CPXM2: variants seen among roughly 807,000 people sequenced by gnomAD.
CPXM2 encodes the protein inactive carboxypeptidase-like protein X2.
CPXM2 carries 66 observed loss-of-function variants against 86.1 expected under a neutral mutation model. The observed-to-expected ratio is 0.77, with a 90% CI of 0.63 to 0.94. CPXM2 has a LOEUF of 0.94. Ranked by LOEUF, CPXM2 falls within the 40% of genes least tolerant of loss-of-function variation. The pLI is 0.00. For missense variants in CPXM2, 948 were observed against 1,026.3 expected, an observed-to-expected ratio of 0.92 and a Z score of 1.04; for synonymous variants, 388 against 400.2, an observed-to-expected ratio of 0.97 and a Z score of 0.36.
At chr10:123,800,370 C>G (rs371402178) in intron 4 of CPXM2, among the ~76,000 whole-genome samples, 26 of 152,286 alleles carry the variant, frequency 1.7e-4, no homozygotes, top group African/African-American at 5.5e-4. Context: ...CCACATTCCT[C>G]CTCTGAGAGT....
intron 4 of CPXM2, among the ~76,000 whole-genome samples, chr10:123,836,568 C>A (rs1359750751): frequency 6.6e-6 from 1 of 152,196 alleles, no homozygotes; most frequent in Non-Finnish European, 1.5e-5. Context: ...CTCCAACACC[C>A]ACAGAGCCCT....
chr10:123,799,241 A>C, intron 4 of CPXM2, 42 bp from the exon 5 acceptor site: 1 of 1,609,934 alleles, frequency 6.2e-7, no homozygotes, highest in South Asian at 1.1e-5. Flanking sequence ...ACACTTTAAA[A>C]TGTTTGTTCT....
chr10:123,828,910 G>C (rs1419939282), intron 4 of CPXM2, among the ~76,000 whole-genome samples: 1 of 152,180 alleles, frequency 6.6e-6, no homozygotes. Flanking sequence ...TTGATGTGAA[G>C]CCAACCTAAG....
chr10:123,841,541 C>T (rs551919077), intron 4 of CPXM2, among the ~76,000 whole-genome samples: 27 of 152,274 alleles, frequency 1.8e-4, no homozygotes, highest in African/African-American at 6.5e-4. Flanking sequence ...CCTGGCAACA[C>T]CATTCTAATT....
rs1945265886 is a variant in CPXM2, at chr10:123,891,341, C to T, written c.304+15G>A. On this transcript the variant is annotated intron_variant, in intron 1 of 13. Coordinates refer to ENST00000241305, the MANE Select transcript of CPXM2 (RefSeq NM_198148.3). The surrounding 1 kb of genome is among the most constrained non-coding windows in gnomAD (Gnocchi z 5.6). ...CGGCGCCCCCTCGGGCTGCCCAGCGCAGAAAGTTCCTTACCTGGTGGAGGC... is the reference window on the plus strand; with the variant it reads ...CGGCGCCCCCTCGGGCTGCCCAGCGTAGAAAGTTCCTTACCTGGTGGAGGC... The T allele has an allele frequency of 1.3e-6, 2 of 1,510,404 alleles. No homozygotes were observed. Among genetic ancestry groups the T allele is most frequent in the African/African-American group, 2.8e-5 (2 of 70,412 alleles). The allele number at this position is 1,510,404 out of a possible 1,614,324, so 93.6% of individuals were successfully genotyped here. A position where few individuals can be genotyped will look rare whatever the true frequency, so the allele number is the denominator to read the frequency against.
intron 3 of CPXM2, among the ~76,000 whole-genome samples, chr10:123,860,655 C>G (rs532131857): frequency 6.6e-6 from 1 of 152,330 alleles, no homozygotes; most frequent in East Asian, 1.9e-4. Flanking sequence ...ATGCACAAAA[C>G]AGGCTGCACA....
chr10:123,920,566 A>G (rs1945571711), intron 2 of CPXM2, among the ~76,000 whole-genome samples: 1 of 152,204 alleles, frequency 6.6e-6, no homozygotes, highest in Non-Finnish European at 1.5e-5. Flanking sequence ...GTTTTTAGTG[A>G]CTTCTTTTGG....
intron 2 of CPXM2, among the ~76,000 whole-genome samples, chr10:123,872,049 A>C (rs1430692905): frequency 2.6e-5 from 4 of 152,218 alleles, no homozygotes; most frequent in Admixed American, 6.5e-5. Flanking sequence ...GGCTGACAAT[A>C]TCAAATGCTG....
intron 2 of CPXM2, among the ~76,000 whole-genome samples, chr10:123,877,324 G>A (rs1250893738): frequency 1.3e-5 from 2 of 152,194 alleles, no homozygotes; most frequent in Admixed American, 1.3e-4. Flanking sequence ...ACAAGGTCAT[G>A]CTTTATCTTC....
rs1845974325 is a variant in CPXM2, at chr10:123,746,556, C to T, written c.*208G>A. 1 of 607,834 alleles carries T rather than the reference C, an allele frequency of 1.6e-6. No homozygotes were observed. Among genetic ancestry groups the T allele is most frequent in the East Asian group, 2.8e-5 (1 of 36,008 alleles). 37.7% of individuals were successfully genotyped at this position (607,834 alleles called of 1,614,324 possible). ...CATCAGCTTTTCTCTGCTGCTCTGT[C>T]CAAGTTATTTGGATAAATGGGAACA... is the stretch of plus-strand genomic sequence containing the variant. On this transcript the variant is annotated 3_prime_UTR_variant, in exon 14 of 14. Transcript: ENST00000241305.
chr10:123,904,847 C>T (rs1945418162), intron 2 of CPXM2, among the ~76,000 whole-genome samples: 2 of 32,186 alleles, frequency 6.2e-5, no homozygotes, highest in African/African-American at 1.9e-4. Context: ...GCCCCTCCCT[C>T]ATTTCCCCAA....
intron 7 of CPXM2, among the ~76,000 whole-genome samples, chr10:123,771,330 G>A (rs1292872241): frequency 1.3e-5 from 2 of 152,144 alleles, no homozygotes; most frequent in Non-Finnish European, 2.9e-5. Flanking sequence ...CTTGGTTGTG[G>A]CTATCACTTC....
chr10:123,772,712 T>C (rs558642036), intron 7 of CPXM2, among the ~76,000 whole-genome samples: 20 of 152,080 alleles, frequency 1.3e-4, no homozygotes, highest in African/African-American at 4.3e-4. Context: ...GGTTAACACC[T>C]CTCTGGTTGT....
intron 2 of CPXM2, among the ~76,000 whole-genome samples, chr10:123,925,935 C>T (rs1439238239): frequency 6.6e-6 from 1 of 152,114 alleles, no homozygotes; most frequent in Non-Finnish European, 1.5e-5. Context: ...GCAAAAGTGC[C>T]CTATTTTCAC....
intron 6 of CPXM2, among the ~76,000 whole-genome samples, chr10:123,791,206 G>T (rs1847199393): frequency 6.6e-6 from 1 of 152,130 alleles, no homozygotes; most frequent in African/African-American, 2.4e-5. Context: ...CTGAGGTCGG[G>T]GGTTCGAGAC....
At chr10:123,914,809 A>T (rs545828307) in intron 2 of CPXM2, among the ~76,000 whole-genome samples, 1 of 152,200 alleles carries the variant, frequency 6.6e-6, no homozygotes, top group East Asian at 1.9e-4. Context: ...CAGCCTCCTG[A>T]CTAGTCTCCA....
At chr10:123,866,071 C>CGGAAGGA (rs1848972991) in intron 2 of CPXM2, among the ~76,000 whole-genome samples, 1 of 152,158 alleles carries the variant, frequency 6.6e-6, no homozygotes, top group Non-Finnish European at 1.5e-5. Context: ...TCCAGACCTT[C>CGGAAGGA]CTTCCTTGTT....
intron 2 of CPXM2, among the ~76,000 whole-genome samples, chr10:123,922,450 C>T (rs140747604): frequency 1.3e-5 from 2 of 152,290 alleles, no homozygotes; most frequent in East Asian, 3.9e-4. Context: ...AAAATATATG[C>T]TGTCCCTCTT....
intron 4 of CPXM2, among the ~76,000 whole-genome samples, chr10:123,835,648 G>A (rs872303): frequency 0.099 from 15,028 of 152,254 alleles, 844 homozygotes; most frequent in Middle Eastern, 0.18. Flanking sequence ...ACCCTTAAGC[G>A]AGGAGACACA....
Sources: allele counts gnomAD v4.1 joint callset (sites outside exome capture counted in the v4.1 genomes callset), GRCh38; gene constraint gnomAD v4.1.1; non-coding constraint Gnocchi (gnomAD v3.1); transcripts MANE v1.5; gene names NCBI Gene and HGNC (gene_info 2026-07-23, HGNC 2026-07-21).